MED9: variants seen among roughly 807,000 people sequenced by gnomAD.
The protein encoded by MED9 is mediator complex subunit 9.
A neutral mutation model predicts 13.2 loss-of-function variants in MED9; 8 were observed. The ratio of observed to expected loss-of-function variants is 0.61; its 90% CI spans 0.36 to 1.10. The LOEUF (loss-of-function observed/expected upper bound fraction) is 1.10. MED9 is among the 50% of genes least tolerant of loss of function. The probability of loss-of-function intolerance (pLI) is 0.02; values close to 1 mark genes in which losing one functional copy is unlikely to be tolerated. For missense variants in MED9, 180 were observed against 193.4 expected (o/e 0.93, Z 0.41); for synonymous variants, 87 against 82.8 (o/e 1.05, Z -0.28).
At chr17:17,482,555 C>G (rs1905049481) in intron 1 of MED9, among the ~76,000 whole-genome samples, 1 of 151,762 alleles carries the variant, frequency 6.6e-6, no homozygotes, top group South Asian at 2.1e-4. Context: ...CAGGTTGTTG[C>G]TTTTCTTTTG....
At position 17,477,178 on chromosome 17, in the gene MED9, C is replaced by T. The variant is rs539150597; in HGVS notation, c.137C>T (p.Ser46Leu). The change falls in exon 1 of 2, where the codon TCG becomes TTG. Residue 46 changes from serine (S) to leucine (L), a missense_variant. By Grantham distance (145) the Ser-to-Leu change is moderately radical. Coordinates refer to ENST00000268711, the MANE Select transcript of MED9 (RefSeq NM_018019.3). ...PPVPAPQPQQ[S>L]PAPRPQSPAR... ...GTCCCTGCGCCTCAACCGCAGCAGT[C>T]GCCGGCGCCACGGCCTCAGTCACCT... 3.1e-5 allele frequency: 50 copies of T among 1,610,078 alleles called. No individual in the cohort carries two copies. The highest frequency in any genetic ancestry group is 3.7e-5 in the Non-Finnish European group (44 of 1,178,184).
chr17:17,491,344 T>A lies in MED9; in HGVS notation c.290T>A (p.Met97Lys). Residue 97 changes from methionine (M) to lysine (K), a missense_variant, in exon 2 of 2, where the codon ATG becomes AAG. Met to Lys is a moderately conservative substitution (Grantham distance 95). Coordinates refer to ENST00000268711, the MANE Select transcript of MED9 (RefSeq NM_018019.3). Reference protein sequence around the residue: ...LNALKSKFQEMRKLISTMPGI... With the variant: ...LNALKSKFQEKRKLISTMPGI... ...GCCCTCAAAAGCAAGTTCCAGGAGA[T>A]GCGCAAGCTCATCAGCACCATGCCC... The A allele has an allele frequency of 6.2e-7, 1 of 1,613,994 alleles. No homozygotes were observed. Among genetic ancestry groups the A allele is most frequent in the Non-Finnish European group, 8.5e-7 (1 of 1,180,028 alleles).
chr17:17,487,416 T>C, intron 1 of MED9: 1 of 163,924 alleles, frequency 6.1e-6, no homozygotes, highest in Non-Finnish European at 1.3e-5. Context: ...GCTGTAACAC[T>C]CACCGCGAAG....
chr17:17,477,872 C>T (rs995315800), intron 1 of MED9, among the ~76,000 whole-genome samples: 1 of 152,172 alleles, frequency 6.6e-6, no homozygotes, highest in Admixed American at 6.5e-5. Context: ...CTAACAGTAC[C>T]AAAGGAAATA....
In MED9 at chr17:17,482,368, A is replaced by G. The variant is rs141603652; in HGVS notation, c.224+5103A>G. On this transcript the variant is annotated intron_variant, in intron 1 of 1. Coordinates refer to ENST00000268711, the MANE Select transcript of MED9 (RefSeq NM_018019.3). The stretch of plus-strand genomic sequence containing the variant: ...CACCATTAAACTTTTAACTTTGGCA[A>G]ATCTCATAGGTCAGAAATGATATAT... 3.7e-3 allele frequency among the ~76,000 whole-genome samples: 557 copies of G among 152,318 alleles called. 4 individuals carry two copies. Among genetic ancestry groups the G allele is most frequent in the Middle Eastern group, 6.8e-3 (2 of 294 alleles).
At chr17:17,491,202 AGCTC>A in intron 1 of MED9, 73 bp from the exon 2 acceptor site, 1 of 1,335,828 alleles carries the variant, frequency 7.5e-7, no homozygotes, top group Non-Finnish European at 1.1e-6. Flanking sequence ...AATGACAGCC[AGCTC>A]TAGGGGGTGC....
intron 1 of MED9, among the ~76,000 whole-genome samples, chr17:17,488,623 C>T (rs527342065): frequency 1.5e-3 from 234 of 152,298 alleles, no homozygotes; most frequent in Non-Finnish European, 2.5e-3. Flanking sequence ...CACCTGAGGT[C>T]GGGAGTTCGA....
At chr17:17,487,009 C>G (rs1034146099) in intron 1 of MED9, 2 of 152,050 alleles carry the variant, frequency 1.3e-5, no homozygotes, top group Non-Finnish European at 2.9e-5. Context: ...CACTCTGTAT[C>G]TAGCTCAAGG....
chr17:17,491,534 G>T lies in MED9; in HGVS notation c.*39G>T. ...TCCTTAGAAAGAGGGGGAAGCCAAT[G>T]GCCTGTCTCCCCACTACCATCCCCA... is the stretch of plus-strand genomic sequence containing the variant. On this transcript the variant is annotated 3_prime_UTR_variant, in exon 2 of 2. Transcript: ENST00000268711. The T allele has an allele frequency of 6.5e-7, 1 of 1,548,364 alleles. No homozygotes were observed. Among genetic ancestry groups the T allele is most frequent in the Non-Finnish European group, 8.9e-7 (1 of 1,122,956 alleles).
intron 1 of MED9, among the ~76,000 whole-genome samples, chr17:17,480,732 C>T (rs1373882139): frequency 6.6e-6 from 1 of 152,126 alleles, no homozygotes; most frequent in African/African-American, 2.4e-5. Context: ...GAAAAAGCCA[C>T]GTGGAGGAAA....
intron 1 of MED9, among the ~76,000 whole-genome samples, chr17:17,481,183 A>C (rs1292508458): frequency 6.6e-6 from 1 of 152,166 alleles, no homozygotes; most frequent in East Asian, 1.9e-4. Flanking sequence ...GTCAAGACAC[A>C]GTACTGGCGG....
intron 1 of MED9, chr17:17,485,643 A>G: frequency 3.6e-6 from 1 of 279,724 alleles, no homozygotes; most frequent in East Asian, 5.8e-5. Flanking sequence ...GCTGACAGCA[A>G]GTCTATGCTG....
chr17:17,478,857 C>CAA (rs56376204), intron 1 of MED9, among the ~76,000 whole-genome samples: 6 of 115,328 alleles, frequency 5.2e-5, no homozygotes, highest in Non-Finnish European at 5.5e-5. Flanking sequence ...GACTCTGCCT[C>CAA]AAAAAAAAAA....
chr17:17,485,707 G>C (rs1193162888), intron 1 of MED9: 1 of 193,628 alleles, frequency 5.2e-6, no homozygotes, highest in East Asian at 1.2e-4. Flanking sequence ...ACTGTGGAGG[G>C]AGGAAACTCA....
intron 1 of MED9, among the ~76,000 whole-genome samples, chr17:17,478,915 C>G (rs1470528551): frequency 6.6e-6 from 1 of 151,784 alleles, no homozygotes; most frequent in Non-Finnish European, 1.5e-5. Flanking sequence ...TTTTCGTGAG[C>G]CTGTGATAAT....
At chr17:17,485,572 T>C (rs1004247319) in intron 1 of MED9, 1 of 375,564 alleles carries the variant, frequency 2.7e-6, no homozygotes, top group African/African-American at 2.1e-5. Flanking sequence ...GGTGCAAGCC[T>C]GGGGGTCCTA....
intron 1 of MED9, among the ~76,000 whole-genome samples, chr17:17,479,846 A>T (rs1237151780): frequency 1.3e-5 from 2 of 152,126 alleles, no homozygotes; most frequent in Non-Finnish European, 2.9e-5. Context: ...ACAGGAGATG[A>T]TTGCCACAAA....
At chr17:17,481,138 A>AT (rs1905026683) in intron 1 of MED9, among the ~76,000 whole-genome samples, 2 of 152,132 alleles carry the variant, frequency 1.3e-5, no homozygotes, top group African/African-American at 4.8e-5. Context: ...CTTCTGAGGG[A>AT]TGGGGAGCTA....
Position 17,491,423 on chromosome 17 carries a change from G to T in MED9, c.369G>T (p.Glu123Asp), listed in dbSNP as rs1905225396. ...QQQQQLQSLR[E>D]QVRTKNELLQ... ...AGCAGCAGCTGCAGAGCCTCCGGGA[G>T]CAAGTCAGGACCAAGAATGAGCTTC... Residue 123 changes from glutamate to aspartate, a missense_variant, in exon 2 of 2, where the codon GAG becomes GAT. Transcript: ENST00000268711. 1 of 1,614,104 alleles carries T rather than the reference G, an allele frequency of 6.2e-7. No homozygotes were observed. Among genetic ancestry groups the T allele is most frequent in the Admixed American group, 1.7e-5 (1 of 60,028 alleles).
Sources: allele counts gnomAD v4.1 joint callset (sites outside exome capture counted in the v4.1 genomes callset), GRCh38; gene constraint gnomAD v4.1.1; transcripts MANE v1.5; gene names NCBI Gene and HGNC (gene_info 2026-07-23, HGNC 2026-07-21).